The following SCIN variants were observed in gnomAD, a reference collection of about 807,000 sequenced individuals.
SCIN encodes the protein adseverin.
Under a neutral mutation model 91.8 loss-of-function variants are expected in SCIN, and 91 were observed. The observed-to-expected ratio is 0.99, with a 90% CI of 0.84 to 1.18. SCIN has a LOEUF of 1.18. Ranked by LOEUF, SCIN falls within the 50% of genes most tolerant of loss-of-function variation. The pLI is 0.00. For synonymous variants in SCIN, 367 were observed against 312.6 expected (o/e 1.17, Z -1.84); for missense variants, 1,087 against 863.9 (o/e 1.26, Z -3.24).
chr7:12,649,084 C>T (rs1451603295), intron 13 of SCIN, among the ~76,000 whole-genome samples: 1 of 152,102 alleles, frequency 6.6e-6, no homozygotes, highest in Non-Finnish European at 1.5e-5. Context: ...GGGGTCTTAT[C>T]TCTGGCACTC....
chr7:12,628,028 C>CGTGTGTGTGTGT (rs1215262855), intron 8 of SCIN, among the ~76,000 whole-genome samples: 1 of 71,056 alleles, frequency 1.4e-5, no homozygotes, highest in African/African-American at 6.0e-5. Context: ...GGCAAGTGTG[C>CGTGTGTGTGTGT]GCGCGTGTGT....
chr7:12,607,865 AATG>A (rs1482332822), intron 4 of SCIN, among the ~76,000 whole-genome samples: 2 of 152,186 alleles, frequency 1.3e-5, no homozygotes, highest in Non-Finnish European at 2.9e-5. Context: ...TTAGTGTTGT[AATG>A]ATAAGGATAG....
At chr7:12,643,029 A>G (rs1783887767) in intron 11 of SCIN, among the ~76,000 whole-genome samples, 1 of 152,226 alleles carries the variant, frequency 6.6e-6, no homozygotes, top group Non-Finnish European at 1.5e-5. Flanking sequence ...ATTTAAGCAT[A>G]CATTATCTAC....
chr7:12,586,569 C>T (rs567304586), intron 3 of SCIN, among the ~76,000 whole-genome samples: 2 of 152,256 alleles, frequency 1.3e-5, no homozygotes, highest in South Asian at 2.1e-4. Context: ...ATCCAGCAGT[C>T]CCACTACTGG....
chr7:12,649,769 TA>T lies in SCIN; in HGVS notation c.1959+226del, dbSNP rs1454752129. On this transcript the variant is annotated intron_variant, in intron 14 of 15. Transcript: ENST00000297029. ...GCTACCATCTTTGGCTTTACAGTTG[TA>T]GGCAAAAAACTTTTATTTTTCATTT... 1.1e-4 allele frequency among the ~76,000 whole-genome samples: 17 copies of T among 152,328 alleles called. No individual in the cohort carries two copies. The East Asian group carries it at 3.3e-3, about 29-fold the overall frequency.
At chr7:12,617,279 T>A (rs1783319318) in intron 4 of SCIN, among the ~76,000 whole-genome samples, 1 of 152,104 alleles carries the variant, frequency 6.6e-6, no homozygotes, top group Admixed American at 6.6e-5. Context: ...CACATGATAA[T>A]TGAGCCATAT....
chr7:12,633,144 A>G (rs1045274571), intron 9 of SCIN, among the ~76,000 whole-genome samples: 3 of 152,218 alleles, frequency 2.0e-5, no homozygotes, highest in African/African-American at 4.8e-5. Flanking sequence ...AAACAGGTTA[A>G]GTCCAAGAGG....
intron 4 of SCIN, among the ~76,000 whole-genome samples, chr7:12,618,933 A>G (rs1487167687): frequency 2.0e-5 from 3 of 152,132 alleles, no homozygotes; most frequent in Non-Finnish European, 2.9e-5. Context: ...CTATATAAAG[A>G]GCTTTGAAGT....
intron 4 of SCIN, among the ~76,000 whole-genome samples, chr7:12,612,857 T>TC (rs1216669080): frequency 6.6e-6 from 1 of 152,066 alleles, no homozygotes; most frequent in Non-Finnish European, 1.5e-5. Context: ...TCACATAATC[T>TC]CCCCCTTTGT....
rs1420996131 is a variant in SCIN, at chr7:12,604,652, G to T, written c.655G>T (p.Glu219Ter). 2 of 1,552,014 alleles carry T rather than the reference G, an allele frequency of 1.3e-6. No individual in the cohort carries two copies. Among genetic ancestry groups the T allele is most frequent in the South Asian group, 1.2e-5 (1 of 84,038 alleles). Residue 219 changes from glutamate to a stop codon, truncating the protein, a stop_gained, in exon 4 of 16, where the codon GAA becomes TAA. Transcript: ENST00000297029. LOFTEE classifies it high-confidence loss of function. ...CGTGGAAGAAGGAAGTGAACCCTCA[G>T]AACTTATAAAGGTATTGTGACTCCT... is the stretch of plus-strand genomic sequence containing the variant. ...IVVEEGSEPS[E>*]LIKVLGEKPE...
intron 4 of SCIN, among the ~76,000 whole-genome samples, chr7:12,622,071 T>C (rs1783421265): frequency 6.6e-6 from 1 of 151,968 alleles, no homozygotes; most frequent in Non-Finnish European, 1.5e-5. Flanking sequence ...CTATGCTGTT[T>C]GTGTTAATTA....
chr7:12,581,612 T>A (rs1782489928), intron 3 of SCIN, among the ~76,000 whole-genome samples: 1 of 152,182 alleles, frequency 6.6e-6, no homozygotes, highest in Admixed American at 6.5e-5. Context: ...ATAAGATGAA[T>A]CTAAACAGCC....
Position 12,659,798 on chromosome 7 carries a change from C to T in SCIN, c.*7083C>T, listed in dbSNP as rs187808276. 5.9e-6 allele frequency: 1 copy of T among 169,860 alleles called. No homozygotes were observed. Among genetic ancestry groups the T allele is most frequent in the Non-Finnish European group, 1.3e-5 (1 of 79,518 alleles). The allele number at this position is 169,860 out of a possible 1,614,324, so 10.5% of individuals were successfully genotyped here. ...ACACAGAGTACACCATGTCAGGCCT[C>T]TGAGCCCAAGCTAAGCCATCATATC... is the stretch of plus-strand genomic sequence containing the variant. On this transcript the variant is annotated 3_prime_UTR_variant, in exon 16 of 16. Coordinates refer to ENST00000297029, the MANE Select transcript of SCIN (RefSeq NM_001112706.3).
rs948785550 is a variant in SCIN, at chr7:12,622,954, G to A, written c.759+61G>A. The A allele has an allele frequency of 3.3e-6, 4 of 1,219,236 alleles. No homozygotes were observed. The South Asian group carries it at 4.1e-5, about 12-fold the overall frequency. The allele number at this position is 1,219,236 out of a possible 1,614,324, so 75.5% of individuals were successfully genotyped here. On this transcript the variant is annotated intron_variant, in intron 5 of 15. Coordinates refer to ENST00000297029, the MANE Select transcript of SCIN (RefSeq NM_001112706.3). ...GTACTGGATGTAGCTAGGGAGGCCT[G>A]TATTGGGCGGGATTCCCGTTGCTGC...
At position 12,644,486 on chromosome 7, in the gene SCIN, A is replaced by T. The variant is rs1293146077; in HGVS notation, c.1760-98A>T. 4 of 1,514,324 alleles carry T rather than the reference A, an allele frequency of 2.6e-6. No homozygotes were observed. In the Admixed American group the frequency reaches 8.7e-5, roughly 33 times the overall value. The allele number at this position is 1,514,324 out of a possible 1,614,324, so 93.8% of individuals were successfully genotyped here. A position where few individuals can be genotyped will look rare whatever the true frequency, so the allele number is the denominator to read the frequency against. The stretch of plus-strand genomic sequence containing the variant: ...ACCTGATTTCTTTAAGTAATTTCTC[A>T]ACACTGAAATCAAGGTGAGATAATA... On this transcript the variant is annotated intron_variant, in intron 12 of 15. Transcript: ENST00000297029.
intron 4 of SCIN, among the ~76,000 whole-genome samples, chr7:12,617,892 G>T (rs1234671261): frequency 6.6e-6 from 1 of 152,126 alleles, no homozygotes; most frequent in Non-Finnish European, 1.5e-5. Flanking sequence ...AACTGCTCTT[G>T]TTTAATAAGT....
At chr7:12,598,936 AAACAGTG>A (rs1394931479) in intron 3 of SCIN, among the ~76,000 whole-genome samples, 1 of 152,176 alleles carries the variant, frequency 6.6e-6, no homozygotes, top group Non-Finnish European at 1.5e-5. Flanking sequence ...AAAGAAAAAA[AAACAGTG>A]TTTTAATTAA....
intron 9 of SCIN, among the ~76,000 whole-genome samples, chr7:12,634,447 T>G (rs1783706835): frequency 6.6e-6 from 1 of 151,364 alleles, no homozygotes; most frequent in Non-Finnish European, 1.5e-5. Context: ...ATCACGCCAT[T>G]GCACTCCAGC....
intron 3 of SCIN, among the ~76,000 whole-genome samples, chr7:12,594,071 G>A (rs562843604): frequency 1.2e-4 from 19 of 152,284 alleles, no homozygotes; most frequent in African/African-American, 2.6e-4. Context: ...CTCAACTCCC[G>A]CTACTTCCCG....
Sources: allele counts gnomAD v4.1 joint callset (sites outside exome capture counted in the v4.1 genomes callset), GRCh38; gene constraint gnomAD v4.1.1; transcripts MANE v1.5; gene names NCBI Gene and HGNC (gene_info 2026-07-23, HGNC 2026-07-21).